RAB30: variants seen among roughly 807,000 people sequenced by gnomAD.
RAB30 encodes the protein ras-related protein Rab-30.
Under a neutral mutation model 25.1 loss-of-function variants are expected in RAB30, and 9 were observed. The observed-to-expected ratio is 0.36, with a 90% CI of 0.22 to 0.63. The LOEUF is 0.63. RAB30 is among the 20% of genes least tolerant of loss of function. The pLI, the probability that RAB30 is intolerant of heterozygous loss-of-function variation, is 0.69. For missense variants in RAB30, 140 were observed against 243.5 expected (o/e 0.58, Z 2.83); for synonymous variants, 77 against 86.4 (o/e 0.89, Z 0.60).
intron 1 of RAB30, among the ~76,000 whole-genome samples, chr11:83,064,130 T>A (rs1164363758): frequency 6.6e-6 from 1 of 152,082 alleles, no homozygotes; most frequent in Non-Finnish European, 1.5e-5. Flanking sequence ...CTTTCTTTTC[T>A]TTTTTTAAGA....
In RAB30 at chr11:82,978,904, C is replaced by T. The variant is rs529749490; in HGVS notation, c.*3261G>A. ...AACTTGACACATTGTCAAATCAACC[C>T]ATTTAACTTTCATTTTTAGTTTTCT... is the stretch of plus-strand genomic sequence containing the variant. On this transcript the variant is annotated 3_prime_UTR_variant, in exon 5 of 5. Transcript: ENST00000527633. 6.6e-6 allele frequency: 1 copy of T among 152,224 alleles called. No homozygotes were observed. The highest frequency in any genetic ancestry group is 2.1e-4 in the South Asian group (1 of 4,820). 9.4% of individuals were successfully genotyped at this position (152,224 alleles called of 1,614,324 possible).
intron 4 of RAB30, chr11:82,987,300 A>G (rs1397876635): frequency 4.3e-6 from 1 of 232,172 alleles, no homozygotes; most frequent in Non-Finnish European, 8.3e-6. Flanking sequence ...TCATCTTGTA[A>G]TTAGACTTTT....
At chr11:83,057,047 T>C (rs1044473470) in intron 1 of RAB30, among the ~76,000 whole-genome samples, 13 of 151,950 alleles carry the variant, frequency 8.6e-5, no homozygotes, top group Admixed American at 3.9e-4. Flanking sequence ...TCATTGAATT[T>C]GGAATCTTGA....
intron 1 of RAB30, among the ~76,000 whole-genome samples, chr11:83,070,731 A>G (rs1056762676): frequency 1.3e-5 from 2 of 152,240 alleles, no homozygotes; most frequent in African/African-American, 4.8e-5. Context: ...GTTTAAAAAA[A>G]CAACAATAAC....
chr11:82,981,099 G>A lies in RAB30; in HGVS notation c.*1066C>T, dbSNP rs557610789. On this transcript the variant is annotated 3_prime_UTR_variant, in exon 5 of 5. Coordinates refer to ENST00000527633, the MANE Select transcript of RAB30 (RefSeq NM_001286060.2). ...TCTACAAAATCCTAAGCCTTGGTCT[G>A]TCCAAGATGGAGAGTACCAGGAAGT... 2 of 152,246 alleles carry A rather than the reference G, an allele frequency of 1.3e-5. No individual in the cohort carries two copies. The highest frequency in any genetic ancestry group is 2.1e-4 in the South Asian group (1 of 4,824). The allele number at this position is 152,246 out of a possible 1,614,324, so 9.4% of individuals were successfully genotyped here. A position where few individuals can be genotyped will look rare whatever the true frequency, so the allele number is the denominator to read the frequency against.
At chr11:83,033,247 T>C (rs953993143) in intron 1 of RAB30, among the ~76,000 whole-genome samples, 2 of 151,718 alleles carry the variant, frequency 1.3e-5, no homozygotes, top group African/African-American at 4.8e-5. Context: ...GTATTTTTAG[T>C]AGAGACGGGG....
intron 1 of RAB30, among the ~76,000 whole-genome samples, chr11:83,022,355 C>G (rs1367725928): frequency 6.6e-6 from 1 of 152,118 alleles, no homozygotes; most frequent in African/African-American, 2.4e-5. Flanking sequence ...GACATGGTCT[C>G]ACTATATTGC....
chr11:83,015,102 A>G (rs568158979), intron 1 of RAB30, among the ~76,000 whole-genome samples: 3 of 152,352 alleles, frequency 2.0e-5, no homozygotes, highest in Middle Eastern at 3.4e-3. Context: ...TCTGAGTTCA[A>G]TGTAAGGCCA....
At position 82,977,254 on chromosome 11, in the gene RAB30, C is replaced by T. The variant is rs1856561012; in HGVS notation, c.*4911G>A. On this transcript the variant is annotated 3_prime_UTR_variant, in exon 5 of 5. Transcript: ENST00000527633. The stretch of plus-strand genomic sequence containing the variant: ...CCGACAAAGCAAGTCCAGCATAGGG[C>T]ATAATGGAGGGCCAGTCTCTTGGCC... 6.6e-6 allele frequency: 1 copy of T among 152,178 alleles called. No homozygotes were observed. The highest frequency in any genetic ancestry group is 6.5e-5 in the Admixed American group (1 of 15,276). 9.4% of individuals were successfully genotyped at this position (152,178 alleles called of 1,614,324 possible).
At position 82,974,146 on chromosome 11, in the gene RAB30, T is replaced by C. The variant is rs575553827; in HGVS notation, c.*8019A>G. ...GGTATGGGGTTTCTTTTGGAGGTGATGAAAGTGTTCTGAAGTTAGGGAGTG... is the reference window on the plus strand; with the variant it reads ...GGTATGGGGTTTCTTTTGGAGGTGACGAAAGTGTTCTGAAGTTAGGGAGTG... On this transcript the variant is annotated 3_prime_UTR_variant, in exon 5 of 5. Coordinates refer to ENST00000527633, the MANE Select transcript of RAB30 (RefSeq NM_001286060.2). 5.9e-5 allele frequency: 9 copies of C among 152,196 alleles called. No individual in the cohort carries two copies. The East Asian group carries it at 1.7e-3, about 29-fold the overall frequency. 9.4% of individuals were successfully genotyped at this position (152,196 alleles called of 1,614,324 possible).
At chr11:83,042,389 C>T (rs1258058139) in intron 1 of RAB30, among the ~76,000 whole-genome samples, 1 of 151,860 alleles carries the variant, frequency 6.6e-6, no homozygotes, top group African/African-American at 2.4e-5. Flanking sequence ...CCCATCTCTA[C>T]TAAAAAAAAT....
chr11:83,017,204 T>G (rs1857458379), intron 1 of RAB30, among the ~76,000 whole-genome samples: 1 of 152,088 alleles, frequency 6.6e-6, no homozygotes, highest in Non-Finnish European at 1.5e-5. Flanking sequence ...CTGGGCATGT[T>G]GGCGTGCTCC....
chr11:83,013,738 C>A (rs1463696211), intron 1 of RAB30, among the ~76,000 whole-genome samples: 3 of 151,910 alleles, frequency 2.0e-5, no homozygotes, highest in Non-Finnish European at 4.4e-5. Context: ...AAGTGCAGGT[C>A]AATTAAATAT....
Position 82,975,353 on chromosome 11 carries a change from G to A in RAB30, c.*6812C>T, listed in dbSNP as rs1220377899. The A allele has an allele frequency of 2.6e-5, 4 of 152,134 alleles. No individual in the cohort carries two copies. The highest frequency in any genetic ancestry group is 4.4e-5 in the Non-Finnish European group (3 of 67,996). 9.4% of individuals were successfully genotyped at this position (152,134 alleles called of 1,614,324 possible). A position where few individuals can be genotyped will look rare whatever the true frequency, so the allele number is the denominator to read the frequency against. ...ATTGTTATTTAATCCAGGCATAAAT[G>A]TGTAACCTTAAACAAAAACTGTGCA... On this transcript the variant is annotated 3_prime_UTR_variant, in exon 5 of 5. Coordinates refer to ENST00000527633, the MANE Select transcript of RAB30 (RefSeq NM_001286060.2).
chr11:82,995,824 T>A (rs558109481), intron 2 of RAB30, among the ~76,000 whole-genome samples: 3 of 152,166 alleles, frequency 2.0e-5, no homozygotes, highest in African/African-American at 4.8e-5. Context: ...TCTCACAATA[T>A]AAGATCCTAA....
chr11:83,023,326 C>G (rs1857626175), intron 1 of RAB30, among the ~76,000 whole-genome samples: 2 of 152,156 alleles, frequency 1.3e-5, no homozygotes, highest in African/African-American at 4.8e-5. Context: ...TGTTCATAAA[C>G]CTACATTTCA....
At chr11:82,999,226 T>C (rs996552899) in intron 1 of RAB30, among the ~76,000 whole-genome samples, 1 of 152,200 alleles carries the variant, frequency 6.6e-6, no homozygotes, top group African/African-American at 2.4e-5. Flanking sequence ...ATTATCTGTT[T>C]TACAGATTAG....
At chr11:83,051,372 G>A (rs1858354113) in intron 1 of RAB30, among the ~76,000 whole-genome samples, 1 of 152,138 alleles carries the variant, frequency 6.6e-6, no homozygotes, top group South Asian at 2.1e-4. Context: ...TCCTGGTTCC[G>A]GCTGTACCTG....
At chr11:83,044,073 T>C (rs187335581) in intron 1 of RAB30, among the ~76,000 whole-genome samples, 1 of 151,920 alleles carries the variant, frequency 6.6e-6, no homozygotes, top group East Asian at 2.0e-4. Context: ...TAGGGTTGGA[T>C]GGGACTTGAA....
Sources: allele counts gnomAD v4.1 joint callset (sites outside exome capture counted in the v4.1 genomes callset), GRCh38; gene constraint gnomAD v4.1.1; transcripts MANE v1.5; gene names NCBI Gene and HGNC (gene_info 2026-07-23, HGNC 2026-07-21).